Variants in SLC1A1 observed in about 807,000 individuals in gnomAD.
SLC1A1 encodes the protein solute carrier family 1 member 1, also known as excitatory amino acid transporter 3.
SLC1A1 carries 43 observed loss-of-function variants against 53.3 expected under a neutral mutation model. The ratio of observed to expected loss-of-function variants is 0.81; its 90% CI spans 0.63 to 1.04. The LOEUF (loss-of-function observed/expected upper bound fraction) is 1.04, where lower values mean the gene tolerates loss of function less well. SLC1A1 is among the 50% of genes least tolerant of loss of function. SLC1A1 has a pLI of 0.00. For synonymous variants in SLC1A1, 307 were observed against 243.2 expected (o/e 1.26, Z -2.44); for missense variants, 748 against 664.9 (o/e 1.12, Z -1.37).
At chr9:4,511,292 C>T (rs1820989787) in intron 1 of SLC1A1, among the ~76,000 whole-genome samples, 2 of 152,066 alleles carry the variant, frequency 1.3e-5, no homozygotes, top group Admixed American at 1.3e-4. Context: ...TGCTGAGGGC[C>T]CACCTCCTGG....
chr9:4,534,422 T>A (rs1816596467), intron 1 of SLC1A1, among the ~76,000 whole-genome samples: 1 of 152,144 alleles, frequency 6.6e-6, no homozygotes, highest in African/African-American at 2.4e-5. Context: ...CATCAGAGAA[T>A]ACTATAAACA....
In SLC1A1 at chr9:4,585,984, C is replaced by G. The variant is rs1399184215; in HGVS notation, c.*426C>G. 5.3e-6 allele frequency: 1 copy of G among 188,668 alleles called. No homozygotes were observed. The highest frequency in any genetic ancestry group is 1.1e-5 in the Non-Finnish European group (1 of 89,726). 11.7% of individuals were successfully genotyped at this position (188,668 alleles called of 1,614,324 possible). ...TATTGGCATGGATTTCCTTTGACCT[C>G]TCACTTTTTTATAAATTATAATGCA... On this transcript the variant is annotated 3_prime_UTR_variant, in exon 12 of 12. Coordinates refer to ENST00000262352, the MANE Select transcript of SLC1A1 (RefSeq NM_004170.6).
chr9:4,525,007 T>C (rs1351605206), intron 1 of SLC1A1, among the ~76,000 whole-genome samples: 1 of 152,180 alleles, frequency 6.6e-6, no homozygotes, highest in Non-Finnish European at 1.5e-5. Context: ...TGAGTTTTGC[T>C]GAGGACAAAC....
chr9:4,497,836 C>T (rs1433644800), intron 1 of SLC1A1, among the ~76,000 whole-genome samples: 1 of 151,954 alleles, frequency 6.6e-6, no homozygotes, highest in Admixed American at 6.6e-5. Flanking sequence ...ATATCTGATA[C>T]CTATACTCTC....
chr9:4,523,822 T>G (rs776094003), intron 1 of SLC1A1, among the ~76,000 whole-genome samples: 3 of 152,242 alleles, frequency 2.0e-5, no homozygotes, highest in Non-Finnish European at 2.9e-5. Flanking sequence ...TGATATTTTG[T>G]TCTTCCCATT....
At chr9:4,555,871 G>T (rs962307904) in intron 2 of SLC1A1, among the ~76,000 whole-genome samples, 1 of 152,134 alleles carries the variant, frequency 6.6e-6, no homozygotes, top group African/African-American at 2.4e-5. Flanking sequence ...AAACTGGATG[G>T]AGCAAATCCA....
At chr9:4,524,540 T>C (rs1313281209) in intron 1 of SLC1A1, among the ~76,000 whole-genome samples, 1 of 152,148 alleles carries the variant, frequency 6.6e-6, no homozygotes, top group Admixed American at 6.5e-5. Context: ...GTGGCTGTAA[T>C]AGAAGACCTG....
At chr9:4,576,168 T>G in intron 9 of SLC1A1, 45 bp downstream of exon 9, 1 of 1,589,738 alleles carries the variant, frequency 6.3e-7, no homozygotes, top group Non-Finnish European at 8.6e-7. Context: ...AGGCTCAACG[T>G]TATCAACTCT....
chr9:4,552,319 G>C (rs906897343), intron 2 of SLC1A1, among the ~76,000 whole-genome samples: 1 of 152,198 alleles, frequency 6.6e-6, no homozygotes, highest in South Asian at 2.1e-4. Context: ...TGGGAATGAG[G>C]TCAGTGCAGG....
intron 1 of SLC1A1, among the ~76,000 whole-genome samples, chr9:4,534,301 G>C (rs11521469): frequency 0.29 from 44,106 of 151,912 alleles, 7,290 homozygotes; most frequent in Admixed American, 0.39. Flanking sequence ...CAACAAAATT[G>C]ATAGACTGCT....
rs1472176412 is a variant in SLC1A1, at chr9:4,537,595, A to T, written c.92-6972A>T. On this transcript the variant is annotated intron_variant, in intron 1 of 11. Transcript: ENST00000262352. Reference sequence around the variant, plus strand: ...AAATAAAATAAAATAAAATAAAATAAAATAAAAAAAAAAAAAATCACATGC... The same window carrying T: ...AAATAAAATAAAATAAAATAAAATATAATAAAAAAAAAAAAAATCACATGC... Among the ~76,000 whole-genome samples the T allele has an allele frequency of 1.4e-5, 2 of 147,458 alleles. 1 individual carries two copies. The highest frequency in any genetic ancestry group is 5.1e-5 in the African/African-American group (2 of 38,946).
intron 1 of SLC1A1, among the ~76,000 whole-genome samples, chr9:4,518,234 C>CAAAAAAAAAA (rs34559140): frequency 3.3e-5 from 2 of 60,430 alleles, no homozygotes; most frequent in Non-Finnish European, 2.8e-5. Context: ...TATTCCACCT[C>CAAAAAAAAAA]AAAAAAAAAA....
chr9:4,493,003 T>C (rs1820290740), intron 1 of SLC1A1, among the ~76,000 whole-genome samples: 1 of 152,166 alleles, frequency 6.6e-6, no homozygotes. Context: ...TCCCTGGCCT[T>C]TGGAATCAGT....
chr9:4,543,730 C>G lies in SLC1A1; in HGVS notation c.92-837C>G, dbSNP rs995745467. Among the ~76,000 whole-genome samples, 5 of 152,154 alleles carry G rather than the reference C, an allele frequency of 3.3e-5. No individual in the cohort carries two copies. The East Asian group carries it at 5.8e-4, about 18-fold the overall frequency. ...GAAAAGAGTGCAAAACATTAGAGAACAGTCATTTGATAATATGGTAAATAA... is the reference window on the plus strand; with the variant it reads ...GAAAAGAGTGCAAAACATTAGAGAAGAGTCATTTGATAATATGGTAAATAA... On this transcript the variant is annotated intron_variant, in intron 1 of 11. Transcript: ENST00000262352.
chr9:4,513,324 C>G (rs1586701283), intron 1 of SLC1A1, among the ~76,000 whole-genome samples: 1 of 152,014 alleles, frequency 6.6e-6, no homozygotes, highest in African/African-American at 2.4e-5. Context: ...AATTTGTATC[C>G]AGAATATATA....
chr9:4,544,681 C>T lies in SLC1A1; in HGVS notation c.206C>T (p.Pro69Leu), dbSNP rs1817306607. The T allele has an allele frequency of 1.2e-6, 2 of 1,613,418 alleles. No individual in the cohort carries two copies. The highest frequency in any genetic ancestry group is 2.2e-5 in the East Asian group (1 of 44,870). ...LMRMLKLIIL[P>L]LIISSMITGV... ...CGGATGCTGAAACTCATCATTTTGC[C>T]ATTAATTATATCCAGCATGATTACA... Residue 69 changes from proline (P) to leucine (L), a missense_variant, in exon 2 of 12, where the codon CCA becomes CTA. Transcript: ENST00000262352.
At chr9:4,491,102 CTT>C (rs1354055889) in intron 1 of SLC1A1, among the ~76,000 whole-genome samples, 2 of 152,160 alleles carry the variant, frequency 1.3e-5, no homozygotes, top group African/African-American at 4.8e-5. Flanking sequence ...CGATTTTTTT[CTT>C]TGTTAATCCC....
intron 2 of SLC1A1, among the ~76,000 whole-genome samples, chr9:4,555,175 C>T (rs1818258634): frequency 1.3e-5 from 2 of 152,244 alleles, no homozygotes; most frequent in Non-Finnish European, 2.9e-5. Flanking sequence ...GGTGGCCTCT[C>T]TGCCGGTGAC....
chr9:4,534,675 C>G (rs867426846), intron 1 of SLC1A1, among the ~76,000 whole-genome samples: 1 of 141,872 alleles, frequency 7.0e-6, no homozygotes, highest in African/African-American at 2.6e-5. Flanking sequence ...CTATTCCAAT[C>G]AATAGAAAAA....
Sources: gnomAD v4.1 joint callset for allele counts (sites outside exome capture counted in the v4.1 genomes callset) on GRCh38, gnomAD v4.1.1 for gene constraint, MANE v1.5 for transcripts, NCBI Gene and HGNC (gene_info 2026-07-23, HGNC 2026-07-21) for gene names.